DCLK1: variants seen among roughly 807,000 people sequenced by gnomAD.
DCLK1 encodes doublecortin like kinase 1, also known as serine/threonine-protein kinase DCLK1.
DCLK1 carries 16 observed loss-of-function variants against 86.2 expected under a neutral mutation model. That is an observed-to-expected ratio of 0.19 (90% CI 0.13 to 0.28). The LOEUF is 0.28. Among genes scored for constraint, DCLK1 ranks in the 10% least tolerant of loss-of-function variants. The pLI is 1.00. For missense variants in DCLK1, 590 were observed against 940.2 expected, an observed-to-expected ratio of 0.63 and a Z score of 4.87; for synonymous variants, 369 against 370.5, an observed-to-expected ratio of 1.00 and a Z score of 0.05.
In DCLK1 at chr13:35,828,680, C is replaced by CA. The variant is rs58012679; in HGVS notation, c.1230-374dup. Among the ~76,000 whole-genome samples, 3 of 151,544 alleles carry CA rather than the reference C, an allele frequency of 2.0e-5. No homozygotes were observed. The East Asian group carries it at 5.9e-4, about 30-fold the overall frequency. ...TAAACTTCCACTCCTGCTCTCAAAACAAAACACTAGCATTGCTAGTGTGTC... is the reference window on the plus strand; with the variant it reads ...TAAACTTCCACTCCTGCTCTCAAAACAAAAACACTAGCATTGCTAGTGTGTC... On this transcript the variant is annotated intron_variant, in intron 8 of 16. Transcript: ENST00000360631.
intron 6 of DCLK1, among the ~76,000 whole-genome samples, chr13:35,845,333 A>G (rs4941820): frequency 0.29 from 44,426 of 152,100 alleles, 7,644 homozygotes; most frequent in Middle Eastern, 0.4. Context: ...TTGGAAATGA[A>G]ATATATTATG....
chr13:36,095,582 T>A (rs910052172), intron 3 of DCLK1, among the ~76,000 whole-genome samples: 2 of 152,144 alleles, frequency 1.3e-5, no homozygotes, highest in Non-Finnish European at 2.9e-5. Context: ...TTAAAGATGA[T>A]CTAAAACAAG....
At chr13:35,924,914 C>A (rs1593737942) in intron 4 of DCLK1, among the ~76,000 whole-genome samples, 1 of 152,176 alleles carries the variant, frequency 6.6e-6, no homozygotes, top group Admixed American at 6.5e-5. Context: ...TCTATGGCTG[C>A]TTTCACATGA....
intron 4 of DCLK1, among the ~76,000 whole-genome samples, chr13:35,886,205 G>T (rs745720443): frequency 1.3e-5 from 2 of 151,992 alleles, no homozygotes; most frequent in Non-Finnish European, 2.9e-5. Context: ...TAGAGACGGG[G>T]TTTCACTGTG....
chr13:35,938,500 G>A (rs558411733), intron 4 of DCLK1, among the ~76,000 whole-genome samples: 33 of 152,080 alleles, frequency 2.2e-4, no homozygotes, highest in African/African-American at 6.8e-4. Flanking sequence ...ATGATGGCAC[G>A]TGCCTGTAGT....
At chr13:36,096,981 C>T (rs1373869813) in intron 3 of DCLK1, among the ~76,000 whole-genome samples, 1 of 152,196 alleles carries the variant, frequency 6.6e-6, no homozygotes, top group African/African-American at 2.4e-5. Flanking sequence ...AAACTGGCTA[C>T]ATAACCTCTG....
chr13:35,938,005 G>C (rs1038339386), intron 4 of DCLK1, among the ~76,000 whole-genome samples: 3 of 152,000 alleles, frequency 2.0e-5, no homozygotes, highest in Non-Finnish European at 4.4e-5. Flanking sequence ...CGAAACAGTA[G>C]GAACAGAACA....
intron 8 of DCLK1, among the ~76,000 whole-genome samples, chr13:35,835,174 G>C (rs1238006914): frequency 6.6e-6 from 1 of 152,150 alleles, no homozygotes; most frequent in African/African-American, 2.4e-5. Context: ...ATTCTCGGAG[G>C]ATTAAGAATG....
At chr13:35,978,138 C>T (rs1402469788) in intron 3 of DCLK1, among the ~76,000 whole-genome samples, 1 of 150,600 alleles carries the variant, frequency 6.6e-6, no homozygotes, top group African/African-American at 2.4e-5. Context: ...AAAACACTTG[C>T]ACATTAAGAA....
chr13:36,110,952 C>G (rs541450256), intron 3 of DCLK1, among the ~76,000 whole-genome samples: 14 of 151,496 alleles, frequency 9.2e-5, no homozygotes, highest in Non-Finnish European at 4.4e-5. Flanking sequence ...TGCCTCAGCC[C>G]CCTGAGTAGC....
chr13:36,027,893 G>A (rs1456118626), intron 3 of DCLK1, among the ~76,000 whole-genome samples: 1 of 151,998 alleles, frequency 6.6e-6, no homozygotes, highest in Non-Finnish European at 1.5e-5. Context: ...CACCACACCT[G>A]GCTAATTTTT....
intron 5 of DCLK1, 59 bp downstream of exon 5, chr13:35,871,165 T>C: frequency 7.1e-7 from 1 of 1,403,024 alleles, no homozygotes; most frequent in African/African-American, 1.4e-5. Context: ...TCACACACCC[T>C]CTGCTCATCC....
intron 4 of DCLK1, among the ~76,000 whole-genome samples, chr13:35,924,291 G>A (rs1875973496): frequency 6.6e-6 from 1 of 152,006 alleles, no homozygotes; most frequent in Non-Finnish European, 1.5e-5. Flanking sequence ...GCATCCAGCA[G>A]ACCGTTACAA....
At chr13:36,073,220 C>T (rs1884043832) in intron 3 of DCLK1, among the ~76,000 whole-genome samples, 2 of 152,206 alleles carry the variant, frequency 1.3e-5, no homozygotes, top group African/African-American at 2.4e-5. Context: ...GGAAAGAGTC[C>T]TCATGCCTGT....
At chr13:36,073,556 A>T (rs192754940) in intron 3 of DCLK1, among the ~76,000 whole-genome samples, 13 of 152,324 alleles carry the variant, frequency 8.5e-5, no homozygotes, top group Admixed American at 8.5e-4. Context: ...TGACAGATAA[A>T]ACAATGCCAT....
intron 6 of DCLK1, among the ~76,000 whole-genome samples, chr13:35,843,219 G>A (rs1015548884): frequency 6.6e-6 from 1 of 152,172 alleles, no homozygotes; most frequent in South Asian, 2.1e-4. Flanking sequence ...AGGCATCTGG[G>A]TGTACAGTAC....
intron 15 of DCLK1, among the ~76,000 whole-genome samples, chr13:35,798,208 G>A (rs1198269385): frequency 6.6e-6 from 1 of 152,160 alleles, no homozygotes; most frequent in African/African-American, 2.4e-5. Context: ...GGGGTTACTG[G>A]GGAAGAGCTG....
rs375824481 is a variant in DCLK1, at chr13:35,924,994, C to T, written c.823+22364G>A. ...GAAGGCTAAAATATGCACTATCTTG[C>T]TTTTTCCAGAAAAAGGCTGCTGACC... is the stretch of plus-strand genomic sequence containing the variant. On this transcript the variant is annotated intron_variant, in intron 4 of 16. Coordinates refer to ENST00000360631, the MANE Select transcript of DCLK1 (RefSeq NM_001330071.2). Among the ~76,000 whole-genome samples the T allele has an allele frequency of 3.9e-5, 6 of 152,306 alleles. No individual in the cohort carries two copies. The East Asian group carries it at 1.2e-3, about 29-fold the overall frequency.
At chr13:35,989,220 G>T (rs1880092808) in intron 3 of DCLK1, among the ~76,000 whole-genome samples, 1 of 152,060 alleles carries the variant, frequency 6.6e-6, no homozygotes, top group Non-Finnish European at 1.5e-5. Context: ...TTGTAAATTT[G>T]CTTTTTGCAA....
Sources: allele counts gnomAD v4.1 joint callset (sites outside exome capture counted in the v4.1 genomes callset), GRCh38; gene constraint gnomAD v4.1.1; transcripts MANE v1.5; gene names NCBI Gene and HGNC (gene_info 2026-07-23, HGNC 2026-07-21).